The following ARHGAP45 variants were observed in gnomAD, a reference collection of about 807,000 sequenced individuals.
ARHGAP45 encodes the protein Rho GTPase activating protein 45, also known as rho GTPase-activating protein 45.
A neutral mutation model predicts 116.1 loss-of-function variants in ARHGAP45; 56 were observed. The observed-to-expected ratio is 0.48, with a 90% CI of 0.39 to 0.60. The LOEUF is 0.60. ARHGAP45 is among the 20% of genes least tolerant of loss of function. The probability of loss-of-function intolerance (pLI) is 0.00; values close to 1 mark genes in which losing one functional copy is unlikely to be tolerated. For missense variants in ARHGAP45, 1,622 were observed against 1,601.0 expected (o/e 1.01, Z -0.22); for synonymous variants, 866 against 701.7 (o/e 1.23, Z -3.70).
Position 1,086,411 on chromosome 19 carries a change from A to C in ARHGAP45, c.*405A>C, listed in dbSNP as rs1020054135. On this transcript the variant is annotated 3_prime_UTR_variant, in exon 23 of 23. Transcript: ENST00000313093. ...ACAGGTCTGTTGCAGGGACTCCAGA[A>C]ACCATTCTGGGAGCCGTGGATGGGG... The C allele has an allele frequency of 1.2e-4, 22 of 180,846 alleles. No homozygotes were observed. Among genetic ancestry groups the C allele is most frequent in the African/African-American group, 4.7e-4 (20 of 42,206 alleles). 11.2% of individuals were successfully genotyped at this position (180,846 alleles called of 1,614,324 possible).
chr19:1,076,274 C>A (rs1000160944), intron 10 of ARHGAP45, among the ~76,000 whole-genome samples: 6 of 152,076 alleles, frequency 3.9e-5, no homozygotes, highest in African/African-American at 1.4e-4. Flanking sequence ...AGTTCTTAAC[C>A]TTTGCTTAGT....
At position 1,081,551 on chromosome 19, in the gene ARHGAP45, G is replaced by A; in HGVS notation, c.2192G>A (p.Cys731Tyr). 3 of 1,469,258 alleles carry A rather than the reference G, an allele frequency of 2.0e-6. No homozygotes were observed. Among genetic ancestry groups the A allele is most frequent in the Non-Finnish European group, 2.7e-6 (3 of 1,107,544 alleles). The allele number at this position is 1,469,258 out of a possible 1,614,324, so 91.0% of individuals were successfully genotyped here. Residue 731 changes from cysteine (C) to tyrosine (Y), a missense_variant and splice_region_variant, in exon 18 of 23, where the codon TGC becomes TAC. Physicochemically the swap from Cys to Tyr is radical, Grantham distance 194 (BLOSUM62 -2). Coordinates refer to ENST00000313093, the MANE Select transcript of ARHGAP45 (RefSeq NM_012292.5). ...VYFQGAECEE[C>Y]CLACHKKCLE... ...CTCACTCACTCTGGCCGCCCCCAGT[G>A]CTGCCTGGCCTGCCACAAGAAATGT... is the stretch of plus-strand genomic sequence containing the variant.
chr19:1,085,710 G>A lies in ARHGAP45; in HGVS notation c.3115G>A (p.Glu1039Lys), dbSNP rs532029491. The A allele has an allele frequency of 2.5e-5, 40 of 1,603,882 alleles. No individual in the cohort carries two copies. The highest frequency in any genetic ancestry group is 6.7e-5 in the East Asian group (3 of 44,598). ...DSDSDLEEASELLSSSEASAL... is the reference protein window; with the variant it reads ...DSDSDLEEASKLLSSSEASAL... ...GGACTCGGACCTAGAGGAGGCCTCC[G>A]AGCTGCTGTCCTCATCGGAGGCCAG... Residue 1039 changes from glutamate (E) to lysine (K), a missense_variant, in exon 23 of 23, where the codon GAG (glutamate) becomes AAG (lysine). Around this residue, in one of 3 missense-constraint regions of ARHGAP45, gnomAD observed 1,334 missense variants for 1,263.8 expected, o/e 1.06. Transcript: ENST00000313093.
chr19:1,074,492 C>A, intron 8 of ARHGAP45, 85 bp downstream of exon 8: 1 of 1,408,376 alleles, frequency 7.1e-7, no homozygotes, highest in Non-Finnish European at 9.5e-7. Context: ...GGACCAAGAG[C>A]AGGGGCTTCC....
chr19:1,071,293 G>A lies in ARHGAP45; in HGVS notation c.422-1856G>A. ...CCGCGCCCCGACGGCTGCGCCATGT[G>A]TATCTGCGGGACGGCGCACCCGGTG... On this transcript the variant is annotated intron_variant, in intron 2 of 22. Coordinates refer to ENST00000313093, the MANE Select transcript of ARHGAP45 (RefSeq NM_012292.5). The surrounding 1 kb of genome is among the most constrained non-coding windows in gnomAD (Gnocchi z 4.6). 1 of 1,476,228 alleles carries A rather than the reference G, an allele frequency of 6.8e-7. No homozygotes were observed. Among genetic ancestry groups the A allele is most frequent in the Non-Finnish European group, 8.9e-7 (1 of 1,118,898 alleles). The allele number at this position is 1,476,228 out of a possible 1,614,324, so 91.4% of individuals were successfully genotyped here.
Position 1,079,922 on chromosome 19 carries a change from C to T in ARHGAP45, c.1513-6C>T, listed in dbSNP as rs568946503. The T allele has an allele frequency of 1.2e-6, 2 of 1,603,912 alleles. No individual in the cohort carries two copies. Among genetic ancestry groups the T allele is most frequent in the Admixed American group, 1.7e-5 (1 of 59,840 alleles). ...TGACCCCTCCGCTCTCCGGTGCCGC[C>T]CGCAGGCCACGATCTCCTACTACCA... On this transcript the variant is annotated splice_region_variant and splice_polypyrimidine_tract_variant and intron_variant, in intron 12 of 22. Transcript: ENST00000313093.
intron 2 of ARHGAP45, among the ~76,000 whole-genome samples, chr19:1,072,027 C>CTTCTT (rs1479393624): frequency 3.3e-5 from 5 of 150,954 alleles, no homozygotes; most frequent in African/African-American, 4.9e-5. Context: ...CTTTTCTTTC[C>CTTCTT]TTCTTTTCTT....
intron 16 of ARHGAP45, 48 bp from the exon 17 acceptor site, chr19:1,080,844 C>G: frequency 6.2e-7 from 1 of 1,608,002 alleles, no homozygotes; most frequent in Non-Finnish European, 8.5e-7. Context: ...GTCCATGGGC[C>G]TGGCCCTGAG....
At position 1,071,220 on chromosome 19, in the gene ARHGAP45, C is replaced by T; in HGVS notation, c.422-1929C>T. ...TGACCGGCCGGAGCCGGTTTGGCCA[C>T]CGGAGACCCCCATCGGTCAGCTGCC... On this transcript the variant is annotated intron_variant, in intron 2 of 22. Coordinates refer to ENST00000313093, the MANE Select transcript of ARHGAP45 (RefSeq NM_012292.5). The surrounding 1 kb of genome is among the most constrained non-coding windows in gnomAD (Gnocchi z 4.6). 6.9e-7 allele frequency: 1 copy of T among 1,441,638 alleles called. No homozygotes were observed. The highest frequency in any genetic ancestry group is 1.3e-5 in the South Asian group (1 of 77,584). The allele number at this position is 1,441,638 out of a possible 1,614,324, so 89.3% of individuals were successfully genotyped here.
At position 1,086,044 on chromosome 19, in the gene ARHGAP45, T is replaced by TCTCTCTC. The variant is rs754607130; in HGVS notation, c.*38_*39insCTCTCTC. The TCTCTCTC allele has an allele frequency of 1.9e-5, 29 of 1,551,416 alleles. No individual in the cohort carries two copies. Among genetic ancestry groups the TCTCTCTC allele is most frequent in the Non-Finnish European group, 2.4e-5 (27 of 1,132,428 alleles). On this transcript the variant is annotated 3_prime_UTR_variant, in exon 23 of 23. Transcript: ENST00000313093. ...CTGGGACCACAGGTGGCTTCTCTCT[T>TCTCTCTC]GCCTGCTCCTGTCCCTCCAGCACGT...
Position 1,084,751 on chromosome 19 carries a change from T to C in ARHGAP45, c.3064+405T>C, listed in dbSNP as rs2043552230. Among the ~76,000 whole-genome samples the C allele has an allele frequency of 2.0e-5, 3 of 152,170 alleles. No homozygotes were observed. The South Asian group carries it at 6.2e-4, about 32-fold the overall frequency. On this transcript the variant is annotated intron_variant, in intron 22 of 22. Coordinates refer to ENST00000313093, the MANE Select transcript of ARHGAP45 (RefSeq NM_012292.5). ...GCAGCTGGCCGAGTGCCGCATCTAG[T>C]TATGGGACACCTGTGTTGTCTGTCT...
rs77979450 is a variant in ARHGAP45 at position 1,073,119 on chromosome 19, C to G, written c.422-30C>G. Reference sequence around the variant, plus strand: ...GACTTTCCCTGGGACTGGGCCCTACCCCACTGCTCACTCCGACTCTCCCCA... The same window carrying G: ...GACTTTCCCTGGGACTGGGCCCTACGCCACTGCTCACTCCGACTCTCCCCA... On this transcript the variant is annotated intron_variant, in intron 2 of 22. Coordinates refer to ENST00000313093, the MANE Select transcript of ARHGAP45 (RefSeq NM_012292.5). The G allele has an allele frequency of 2.8e-3, 4,384 of 1,589,866 alleles. 110 individuals carry two copies. The African/African-American group carries it at 0.052, about 19-fold the overall frequency.
Position 1,074,886 on chromosome 19 carries a change from C to T in ARHGAP45, c.1185+7C>T, listed in dbSNP as rs1282670613. The stretch of plus-strand genomic sequence containing the variant: ...CCGTGCCCAGAGGAAGCTGGTGAGG[C>T]GGGCGGGCGGGGGCGGGCGGGGGCG... On this transcript the variant is annotated splice_region_variant and intron_variant, in intron 10 of 22. Coordinates refer to ENST00000313093, the MANE Select transcript of ARHGAP45 (RefSeq NM_012292.5). 9.6e-6 allele frequency: 1 copy of T among 104,018 alleles called. No homozygotes were observed. The highest frequency in any genetic ancestry group is 5.1e-4 in the East Asian group (1 of 1,950). The allele number at this position is 104,018 out of a possible 1,614,324, so 6.4% of individuals were successfully genotyped here.
Position 1,071,557 on chromosome 19 carries a change from G to A in ARHGAP45, c.422-1592G>A, listed in dbSNP as rs954480512. 8.2e-6 allele frequency: 2 copies of A among 242,686 alleles called. No homozygotes were observed. Among genetic ancestry groups the A allele is most frequent in the East Asian group, 1.7e-4 (1 of 5,752 alleles). The allele number at this position is 242,686 out of a possible 1,614,324, so 15.0% of individuals were successfully genotyped here. A position where few individuals can be genotyped will look rare whatever the true frequency, so the allele number is the denominator to read the frequency against. ...AGGGGGTGTGCGGGGACAGCCGGGG[G>A]TCCGTGCGCCGGCCGCGCGCGGAGT... On this transcript the variant is annotated intron_variant, in intron 2 of 22. Coordinates refer to ENST00000313093, the MANE Select transcript of ARHGAP45 (RefSeq NM_012292.5). This position sits in a 1 kb window ranked among gnomAD's most constrained non-coding sequence, Gnocchi z 4.6.
chr19:1,074,274 G>A (rs2043194582), intron 7 of ARHGAP45, 33 bp downstream of exon 7: 1 of 1,612,180 alleles, frequency 6.2e-7, no homozygotes, highest in South Asian at 1.1e-5. Flanking sequence ...GGTGGGTCTG[G>A]AGGGAGGGGG....
Position 1,086,004 on chromosome 19 carries a change from T to A in ARHGAP45, c.3409T>A (p.Ter1137ArgextTer29). ...SCRERQPEFV* is the reference protein window; with the variant it reads ...SCRERQPEFVR ...CAGGGAAAGGCAGCCGGAATTCGTG[T>A]GAGCTGGGGTGGGGCTGGGACCACA... Residue 1137 changes from the stop codon to arginine, a stop_lost, in exon 23 of 23, where the codon TGA (stop) becomes AGA (arginine). Coordinates refer to ENST00000313093, the MANE Select transcript of ARHGAP45 (RefSeq NM_012292.5). 5 of 1,610,432 alleles carry A rather than the reference T, an allele frequency of 3.1e-6. No homozygotes were observed. Among genetic ancestry groups the A allele is most frequent in the Middle Eastern group, 1.7e-4 (1 of 6,044 alleles).
intron 11 of ARHGAP45, 43 bp from the exon 12 acceptor site, chr19:1,079,660 C>G (rs545505867): frequency 1.2e-6 from 2 of 1,606,680 alleles, no homozygotes; most frequent in Admixed American, 1.7e-5. Flanking sequence ...AGTCCTGCAC[C>G]CCGGGCTGAG....
intron 3 of ARHGAP45, 75 bp from the exon 4 acceptor site, chr19:1,073,431 G>A: frequency 1.3e-6 from 2 of 1,569,368 alleles, no homozygotes; most frequent in Non-Finnish European, 1.7e-6. Context: ...TGGGTTAAGG[G>A]CTCCGGTCAG....
rs762569026 is a variant in ARHGAP45, at chr19:1,079,912, C to T, written c.1513-16C>T. ...GGCCTCCTCCTGACCCCTCCGCTCTCCGGTGCCGCCCGCAGGCCACGATCT... is the reference window on the plus strand; with the variant it reads ...GGCCTCCTCCTGACCCCTCCGCTCTTCGGTGCCGCCCGCAGGCCACGATCT... On this transcript the variant is annotated splice_polypyrimidine_tract_variant and intron_variant, in intron 12 of 22. Transcript: ENST00000313093. 1 of 1,601,806 alleles carries T rather than the reference C, an allele frequency of 6.2e-7. No individual in the cohort carries two copies. Among genetic ancestry groups the T allele is most frequent in the Non-Finnish European group, 8.5e-7 (1 of 1,171,028 alleles).
Sources: gnomAD v4.1 joint callset for allele counts (sites outside exome capture counted in the v4.1 genomes callset) on GRCh38, gnomAD v4.1.1 for gene constraint, gnomAD v4.1.1 regional missense constraint, Gnocchi (gnomAD v3.1) non-coding constraint, MANE v1.5 for transcripts, NCBI Gene and HGNC (gene_info 2026-07-23, HGNC 2026-07-21) for gene names.